KHDC1: variants seen among roughly 807,000 people sequenced by gnomAD.
KHDC1 encodes the protein KH domain containing 1, also known as KH homology domain-containing protein 1.
Under a neutral mutation model 24.7 loss-of-function variants are expected in KHDC1, and 21 were observed. The observed-to-expected ratio is 0.85, with a 90% confidence interval of 0.60 to 1.23. The LOEUF is 1.23. KHDC1 is among the 50% of genes most tolerant of loss of function. KHDC1 has a pLI of 0.00. For synonymous variants in KHDC1, 98 were observed against 111.7 expected, an observed-to-expected ratio of 0.88 and a Z score of 0.77; for missense variants, 274 against 298.5, an observed-to-expected ratio of 0.92 and a Z score of 0.61.
chr6:73,300,701 T>A (rs185790791), intron 1 of KHDC1: 1 of 152,182 alleles, frequency 6.6e-6, no homozygotes, highest in Non-Finnish European at 1.5e-5. Flanking sequence ...AAGCCCTGTA[T>A]GCAGGTAAAA....
In KHDC1 at chr6:73,308,950, G is replaced by A. The variant is rs1422316821; in HGVS notation, c.163+602C>T. On this transcript the variant is annotated intron_variant, in intron 1 of 4. Coordinates refer to ENST00000370384, the Ensembl canonical transcript of KHDC1. Reference sequence around the variant, plus strand: ...AGGATCAAGCGATTCTCCTGCCTCCGCCTCCCTAGTACCTGGGATTACAGG... The same window carrying A: ...AGGATCAAGCGATTCTCCTGCCTCCACCTCCCTAGTACCTGGGATTACAGG... Among the ~76,000 whole-genome samples the A allele has an allele frequency of 3.3e-5, 5 of 152,262 alleles. No individual in the cohort carries two copies. In the East Asian group the frequency reaches 7.7e-4, roughly 24 times the overall value.
At chr6:73,284,918 C>T (rs1422547174) in intron 2 of KHDC1, among the ~76,000 whole-genome samples, 3 of 152,068 alleles carry the variant, frequency 2.0e-5, no homozygotes, top group Non-Finnish European at 4.4e-5. Flanking sequence ...AATCTCGGCT[C>T]CCTGCAACCT....
chr6:73,306,299 A>G (rs569100309), intron 1 of KHDC1, among the ~76,000 whole-genome samples: 40 of 151,804 alleles, frequency 2.6e-4, no homozygotes, highest in Non-Finnish European at 4.0e-4. Flanking sequence ...TCTCCCTCCC[A>G]CTGCATCAAC....
intron 2 of KHDC1, among the ~76,000 whole-genome samples, chr6:73,256,245 C>G: frequency 6.6e-6 from 1 of 152,128 alleles, no homozygotes; most frequent in Admixed American, 6.5e-5. Flanking sequence ...GCCTACTATT[C>G]GGCAGGTGCT....
intron 2 of KHDC1, among the ~76,000 whole-genome samples, chr6:73,244,150 T>C (rs1365789837): frequency 1.3e-5 from 2 of 152,180 alleles, no homozygotes; most frequent in Admixed American, 1.3e-4. Flanking sequence ...AAAATATTAT[T>C]AATAAAATAG....
chr6:73,268,110 GGTGA>G (rs1306499625), intron 2 of KHDC1: 1 of 154,814 alleles, frequency 6.5e-6, no homozygotes, highest in African/African-American at 2.4e-5. Flanking sequence ...GGACCCTCAC[GGTGA>G]GTGTTACAGC....
intron 2 of KHDC1, among the ~76,000 whole-genome samples, chr6:73,246,973 CT>C (rs1005911670): frequency 1.8e-3 from 264 of 148,340 alleles, no homozygotes; most frequent in African/African-American, 6.2e-3. Context: ...AATAAGTCAA[CT>C]TTTTTTTTTC....
chr6:73,298,423 A>ATTTTTTTTTTTTTTT (rs370446904), intron 1 of KHDC1, among the ~76,000 whole-genome samples: 15 of 59,974 alleles, frequency 2.5e-4, no homozygotes, highest in African/African-American at 1.1e-3. Flanking sequence ...TACTTTGCAA[A>ATTTTTTTTTTTTTTT]TTTTTTTTTT....
chr6:73,286,459 T>C (rs1373817438), intron 2 of KHDC1, among the ~76,000 whole-genome samples: 6 of 152,214 alleles, frequency 3.9e-5, no homozygotes, highest in Non-Finnish European at 7.3e-5. Context: ...TAATGGATGG[T>C]ATCACTAACA....
chr6:73,284,961 C>T (rs1401973823), intron 2 of KHDC1, among the ~76,000 whole-genome samples: 1 of 152,068 alleles, frequency 6.6e-6, no homozygotes, highest in East Asian at 1.9e-4. Flanking sequence ...TCTCCTGCCT[C>T]AGCCTCCCAA....
intron 1 of KHDC1, among the ~76,000 whole-genome samples, chr6:73,294,485 A>G (rs116257560): frequency 0.011 from 1,620 of 152,288 alleles, 24 homozygotes; most frequent in African/African-American, 0.037. Context: ...CCGTATTAAC[A>G]GGACTTTTGT....
chr6:73,260,269 A>C (rs1295983039), intron 2 of KHDC1, among the ~76,000 whole-genome samples: 1 of 152,186 alleles, frequency 6.6e-6, no homozygotes, highest in Non-Finnish European at 1.5e-5. Context: ...TGTAAAAAAA[A>C]TTAAGGGGAA....
intron 2 of KHDC1, among the ~76,000 whole-genome samples, chr6:73,286,124 C>A (rs565724647): frequency 1.1e-4 from 16 of 152,286 alleles, no homozygotes; most frequent in Non-Finnish European, 1.2e-4. Flanking sequence ...GAACTCTACA[C>A]CCATTCCCAG....
chr6:73,256,294 A>G (rs1766879167), intron 2 of KHDC1, among the ~76,000 whole-genome samples: 1 of 152,164 alleles, frequency 6.6e-6, no homozygotes, highest in Non-Finnish European at 1.5e-5. Context: ...TGAACAATTC[A>G]TTTCTAGAAA....
intron 1 of KHDC1, among the ~76,000 whole-genome samples, chr6:73,297,337 A>C (rs1317351261): frequency 6.6e-6 from 1 of 152,112 alleles, no homozygotes; most frequent in Non-Finnish European, 1.5e-5. Context: ...TCCCACTAAA[A>C]TATAGATTTC....
intron 2 of KHDC1, among the ~76,000 whole-genome samples, chr6:73,246,694 T>C (rs930593486): frequency 1.3e-5 from 2 of 152,216 alleles, no homozygotes; most frequent in Non-Finnish European, 2.9e-5. Context: ...TACACATCAT[T>C]TTATTACAAA....
At chr6:73,282,799 C>T (rs1403321936) in intron 2 of KHDC1, among the ~76,000 whole-genome samples, 1 of 152,130 alleles carries the variant, frequency 6.6e-6, no homozygotes, top group East Asian at 1.9e-4. Context: ...TATCTCTGAC[C>T]TAACCAATCA....
chr6:73,305,812 A>G (rs1232344649), intron 1 of KHDC1, among the ~76,000 whole-genome samples: 3 of 151,986 alleles, frequency 2.0e-5, no homozygotes, highest in Non-Finnish European at 2.9e-5. Flanking sequence ...GGAGCCCGCC[A>G]CCACACCCCG....
chr6:73,249,332 A>G (rs1766735361), intron 2 of KHDC1, among the ~76,000 whole-genome samples: 2 of 152,126 alleles, frequency 1.3e-5, no homozygotes, highest in African/African-American at 2.4e-5. Context: ...GAAAAACAAC[A>G]AAGTACTTAT....
Sources: allele counts gnomAD v4.1 joint callset (sites outside exome capture counted in the v4.1 genomes callset), GRCh38; gene constraint gnomAD v4.1.1; transcripts MANE v1.5; gene names NCBI Gene and HGNC (gene_info 2026-07-23, HGNC 2026-07-21).